ZDHHC11: variants seen among roughly 807,000 people sequenced by gnomAD.
ZDHHC11 encodes palmitoyltransferase ZDHHC11.
A neutral mutation model predicts 51.3 loss-of-function variants in ZDHHC11; 44 were observed. The ratio of observed to expected loss-of-function variants is 0.86; its 90% CI spans 0.67 to 1.10. ZDHHC11 has a LOEUF of 1.10. Ranked by LOEUF, ZDHHC11 falls within the 50% of genes least tolerant of loss-of-function variation. The pLI, the probability that ZDHHC11 is intolerant of heterozygous loss-of-function variation, is 0.00. For synonymous variants in ZDHHC11, 163 were observed against 222.0 expected, an observed-to-expected ratio of 0.73 and a Z score of 2.36; for missense variants, 400 against 537.7, an observed-to-expected ratio of 0.74 and a Z score of 2.53.
chr5:813,296 G>T (rs1172586186), intron 11 of ZDHHC11, among the ~76,000 whole-genome samples: 1 of 141,708 alleles, frequency 7.1e-6, no homozygotes, highest in Non-Finnish European at 1.5e-5. Context: ...CCACTGCACT[G>T]CAGCCTGGGT....
chr5:815,957 C>T (rs1740728820), intron 10 of ZDHHC11, among the ~76,000 whole-genome samples: 1 of 151,346 alleles, frequency 6.6e-6, no homozygotes, highest in Admixed American at 6.6e-5. Flanking sequence ...GGGTGCCATG[C>T]TATCTTATTG....
intron 5 of ZDHHC11, chr5:840,013 T>C (rs1181821551): frequency 3.4e-6 from 2 of 584,134 alleles, no homozygotes; most frequent in Non-Finnish European, 6.1e-6. Context: ...CGCCTACCGC[T>C]GTGCCCACTG....
chr5:827,332 G>A (rs1742424868), intron 7 of ZDHHC11, among the ~76,000 whole-genome samples: 1 of 149,856 alleles, frequency 6.7e-6, no homozygotes, highest in African/African-American at 2.5e-5. Flanking sequence ...AAAAAACCAA[G>A]GTATTCAGGC....
chr5:804,358 C>G (rs1461943701), intron 11 of ZDHHC11, among the ~76,000 whole-genome samples: 3 of 151,280 alleles, frequency 2.0e-5, no homozygotes, highest in African/African-American at 7.3e-5. Context: ...TTGGTACTAT[C>G]TACAGTTTCA....
chr5:804,055 A>C (rs2081940), intron 11 of ZDHHC11, among the ~76,000 whole-genome samples: 30,393 of 149,996 alleles, frequency 0.2, 4,554 homozygotes, highest in African/African-American at 0.41. Flanking sequence ...CCAAAGTAGA[A>C]GAGAAAAGGA....
upstream of ZDHHC11, among the ~76,000 whole-genome samples, chr5:853,167 G>C (rs1287738153): frequency 1.4e-5 from 2 of 146,664 alleles, no homozygotes; most frequent in East Asian, 4.3e-4. Flanking sequence ...CAGGGAGACA[G>C]ACCCCACAGA....
upstream of ZDHHC11, among the ~76,000 whole-genome samples, chr5:852,321 T>C (rs1327015026): frequency 6.6e-6 from 1 of 152,228 alleles, no homozygotes. Context: ...CACGTTCATC[T>C]GTCAGGATTT....
chr5:840,889 A>G, intron 4 of ZDHHC11: 1 of 1,430,318 alleles, frequency 7.0e-7, no homozygotes, highest in Non-Finnish European at 9.1e-7. Context: ...CAACATTGTC[A>G]CTAAGTGCCG....
At chr5:820,786 CA>C (rs1430905082) in intron 9 of ZDHHC11, among the ~76,000 whole-genome samples, 1 of 151,278 alleles carries the variant, frequency 6.6e-6, no homozygotes, top group African/African-American at 2.4e-5. Context: ...TAAGAATTGT[CA>C]AAAGTAAATG....
At chr5:833,535 T>C (rs1325816862) in intron 7 of ZDHHC11, among the ~76,000 whole-genome samples, 4 of 151,740 alleles carry the variant, frequency 2.6e-5, no homozygotes, top group African/African-American at 7.3e-5. Context: ...GTTTAGATGT[T>C]AGTTATGAAG....
At chr5:849,512 C>T (rs13356280) in intron 1 of ZDHHC11, 8,532 of 152,320 alleles carry the variant, frequency 0.056, 269 homozygotes, top group African/African-American at 0.084. Context: ...ACAACCTACC[C>T]GCTCCCTGTA....
intron 11 of ZDHHC11, among the ~76,000 whole-genome samples, chr5:807,943 C>A (rs1205594725): frequency 6.6e-6 from 1 of 151,230 alleles, no homozygotes; most frequent in Middle Eastern, 3.4e-3. Context: ...CAGGATCAGA[C>A]GCAGGTCCTG....
chr5:820,343 T>C (rs1741406719), intron 9 of ZDHHC11, among the ~76,000 whole-genome samples: 1 of 151,630 alleles, frequency 6.6e-6, no homozygotes, highest in Non-Finnish European at 1.5e-5. Flanking sequence ...GGGAATGAAC[T>C]TTTCCCAGTA....
intron 10 of ZDHHC11, chr5:816,944 T>C: frequency 2.9e-6 from 1 of 347,320 alleles, no homozygotes; most frequent in Non-Finnish European, 5.8e-6. Flanking sequence ...CATGGATGCA[T>C]GAGCCTGAAA....
chr5:834,424 T>G (rs1263086448), intron 6 of ZDHHC11, among the ~76,000 whole-genome samples: 45 of 152,284 alleles, frequency 3.0e-4, no homozygotes, highest in Admixed American at 4.6e-4. Flanking sequence ...ATCCTCTTGC[T>G]TGGCCTCCCA....
chr5:821,020 C>T (rs1433505577), intron 9 of ZDHHC11: 1 of 151,376 alleles, frequency 6.6e-6, no homozygotes, highest in Non-Finnish European at 1.5e-5. Context: ...TGAAAACCAA[C>T]AGTTACTTCG....
intron 8 of ZDHHC11, among the ~76,000 whole-genome samples, chr5:822,539 G>A (rs1741701427): frequency 6.6e-6 from 1 of 150,434 alleles, no homozygotes; most frequent in Non-Finnish European, 1.5e-5. Context: ...TGGCTCATAT[G>A]ATAAGTACAT....
rs572102714 is a variant in ZDHHC11, at chr5:824,618, C to A, written c.1023+546G>T. On this transcript the variant is annotated intron_variant, in intron 8 of 12. Transcript: ENST00000283441. ...AACACACACCATTCACACACATATA[C>A]ACGTGACCACACACCACACACAAAA... is the stretch of plus-strand genomic sequence containing the variant. 3.3e-5 allele frequency among the ~76,000 whole-genome samples: 5 copies of A among 151,714 alleles called. No homozygotes were observed. The East Asian group carries it at 7.7e-4, about 23-fold the overall frequency.
rs1432108052 is a variant in ZDHHC11, at chr5:840,636, T to C, written c.643A>G (p.Asn215Asp). ...AGGGGGAGGAACAGCAGCCACGTGT[T>C]CATATTCTTGACATCTGGGGAGACA... Reference protein sequence around the residue: ...DPRYEDVKNMNTWLLFLPLFP... With the variant: ...DPRYEDVKNMDTWLLFLPLFP... Residue 215 changes from asparagine to aspartate, a missense_variant, in exon 5 of 13, where the codon AAC becomes GAC. Physicochemically the swap from Asn to Asp is conservative, Grantham distance 23. This residue lies in a region of ZDHHC11 where 26 missense variants were observed against 47.1 expected (regional missense o/e 0.55). Transcript: ENST00000283441. 6.2e-7 allele frequency: 1 copy of C among 1,613,820 alleles called. No homozygotes were observed. Among genetic ancestry groups the C allele is most frequent in the Non-Finnish European group, 8.5e-7 (1 of 1,179,872 alleles).
Sources: allele counts gnomAD v4.1 joint callset (sites outside exome capture counted in the v4.1 genomes callset), GRCh38; gene constraint gnomAD v4.1.1; regional missense constraint gnomAD v4.1.1; transcripts MANE v1.5; gene names NCBI Gene and HGNC (gene_info 2026-07-23, HGNC 2026-07-21).